INPP4A: variants seen among roughly 807,000 people sequenced by gnomAD.
INPP4A encodes the protein inositol polyphosphate-4-phosphatase, type I, 107kD.
INPP4A carries 33 observed loss-of-function variants against 119.8 expected under a neutral mutation model. The observed-to-expected ratio is 0.28, with a 90% CI of 0.21 to 0.37. INPP4A has a LOEUF of 0.37. Ranked by LOEUF, INPP4A falls within the 10% of genes least tolerant of loss-of-function variation. INPP4A has a pLI of 1.00. For synonymous variants in INPP4A, 496 were observed against 500.7 expected (o/e 0.99, Z 0.12); for missense variants, 956 against 1,289.9 (o/e 0.74, Z 3.97).
At chr2:98,460,465 A>G (rs550139542) in intron 1 of INPP4A, among the ~76,000 whole-genome samples, 1 of 152,128 alleles carries the variant, frequency 6.6e-6, no homozygotes, top group South Asian at 2.1e-4. Context: ...TTGGGAATTC[A>G]TTCATCCCAC....
Position 98,564,648 on chromosome 2 carries a change from C to T in INPP4A, c.2037C>T (p.Ala679=), listed in dbSNP as rs781251677. 3.1e-6 allele frequency: 5 copies of T among 1,613,410 alleles called. No individual in the cohort carries two copies. Among genetic ancestry groups the T allele is most frequent in the Non-Finnish European group, 4.2e-6 (5 of 1,179,814 alleles). The change falls in exon 19 of 25, where the codon GCC becomes GCT. Residue 679 remains alanine (A), a synonymous_variant. Transcript: ENST00000409851. Reference sequence around the variant, plus strand: ...ACCCCACGCTCCCACAGCTGACCGCCCTCATCTGCGGCTTCATCATTAAGC... The same window carrying T: ...ACCCCACGCTCCCACAGCTGACCGCTCTCATCTGCGGCTTCATCATTAAGC... ...RDVVFCQTLT[A]LICGFIIKLR...
intron 19 of INPP4A, 66 bp from the exon 20 acceptor site, chr2:98,565,574 T>G: frequency 6.5e-7 from 1 of 1,530,924 alleles, no homozygotes; most frequent in Non-Finnish European, 8.8e-7. Flanking sequence ...TTGGCTGCCT[T>G]CTGCTGAGAC....
intron 6 of INPP4A, 93 bp from the exon 7 acceptor site, chr2:98,536,036 G>T: frequency 2.5e-6 from 2 of 813,170 alleles, no homozygotes; most frequent in Non-Finnish European, 2.1e-6. Flanking sequence ...AGGTGTTGTG[G>T]GAAGCAGTCA....
chr2:98,557,462 T>C (rs1418623989), intron 16 of INPP4A, among the ~76,000 whole-genome samples: 1 of 152,238 alleles, frequency 6.6e-6, no homozygotes, highest in African/African-American at 2.4e-5. Flanking sequence ...CTATTTATTT[T>C]GGTGAGTCTT....
chr2:98,542,170 A>T (rs1691588956), intron 10 of INPP4A, among the ~76,000 whole-genome samples: 2 of 152,272 alleles, frequency 1.3e-5, no homozygotes, highest in Non-Finnish European at 2.9e-5. Flanking sequence ...CCACATGAAC[A>T]CGGGCAGACA....
At chr2:98,513,106 G>T (rs937292667) in intron 1 of INPP4A, among the ~76,000 whole-genome samples, 9 of 152,326 alleles carry the variant, frequency 5.9e-5, no homozygotes, top group Non-Finnish European at 1.0e-4. Context: ...GACACCCAGG[G>T]TTGGAGTAGT....
At chr2:98,491,951 G>A (rs961117443) in intron 1 of INPP4A, among the ~76,000 whole-genome samples, 3 of 152,024 alleles carry the variant, frequency 2.0e-5, no homozygotes, top group Non-Finnish European at 1.5e-5. Flanking sequence ...GTACAGTGGC[G>A]CGATCTCAGC....
intron 8 of INPP4A, 67 bp from the exon 9 acceptor site, chr2:98,538,824 T>A: frequency 3.4e-6 from 3 of 890,762 alleles, no homozygotes; most frequent in Non-Finnish European, 5.6e-6. Context: ...GGCCACTGTT[T>A]CTGCTGAATG....
At position 98,594,272 on chromosome 2, in the gene INPP4A, T is replaced by C. The variant is rs570714155; in HGVS notation, c.*6664T>C. ...CTAAAATTACAGGGGGTTCAGGCAA[T>C]GTTATCTTGATCTGGATGGCCAGTT... On this transcript the variant is annotated 3_prime_UTR_variant, in exon 25 of 25. Coordinates refer to ENST00000409851, the MANE Select transcript of INPP4A (RefSeq NM_001134225.2). 2 of 152,366 alleles carry C rather than the reference T, an allele frequency of 1.3e-5. No individual in the cohort carries two copies. Among genetic ancestry groups the C allele is most frequent in the Admixed American group, 1.3e-4 (2 of 15,306 alleles). The allele number at this position is 152,366 out of a possible 1,614,324, so 9.4% of individuals were successfully genotyped here. A position where few individuals can be genotyped will look rare whatever the true frequency, so the allele number is the denominator to read the frequency against.
chr2:98,550,851 T>G (rs1693380336), intron 13 of INPP4A, among the ~76,000 whole-genome samples: 1 of 152,188 alleles, frequency 6.6e-6, no homozygotes, highest in Non-Finnish European at 1.5e-5. Context: ...AGGGTATGTA[T>G]TTGTTGAAGG....
At chr2:98,547,369 C>T (rs981326748) in intron 13 of INPP4A, among the ~76,000 whole-genome samples, 20 of 152,170 alleles carry the variant, frequency 1.3e-4, no homozygotes, top group Admixed American at 1.3e-3. Context: ...TTGGCATGAA[C>T]AGGGCCTGAA....
At chr2:98,527,378 A>G (rs908436652) in intron 4 of INPP4A, among the ~76,000 whole-genome samples, 1 of 152,242 alleles carries the variant, frequency 6.6e-6, no homozygotes, top group Non-Finnish European at 1.5e-5. Flanking sequence ...GTCAAAAACA[A>G]TCACTGTCCA....
chr2:98,460,376 A>G (rs1276705031), intron 1 of INPP4A, among the ~76,000 whole-genome samples: 1 of 152,018 alleles, frequency 6.6e-6, no homozygotes, highest in Non-Finnish European at 1.5e-5. Flanking sequence ...GACTGGGGCA[A>G]TGCATCAGGA....
intron 1 of INPP4A, among the ~76,000 whole-genome samples, chr2:98,502,620 A>T (rs1271737034): frequency 6.6e-6 from 1 of 152,186 alleles, no homozygotes; most frequent in Non-Finnish European, 1.5e-5. Flanking sequence ...GATAATGGTG[A>T]AAGTACCTCA....
At chr2:98,533,539 C>A in intron 5 of INPP4A, 44 bp downstream of exon 5, 1 of 1,132,004 alleles carries the variant, frequency 8.8e-7, no homozygotes, top group South Asian at 1.2e-5. Flanking sequence ...GGGACATGCT[C>A]TAGTGGTGTC....
intron 11 of INPP4A, among the ~76,000 whole-genome samples, chr2:98,545,104 T>C (rs1575014554): frequency 6.6e-6 from 1 of 152,220 alleles, no homozygotes; most frequent in East Asian, 1.9e-4. Flanking sequence ...ATGCTCATGG[T>C]GCGGTCTGTG....
chr2:98,581,730 C>T (rs754272044), intron 24 of INPP4A: 2 of 1,609,246 alleles, frequency 1.2e-6, no homozygotes, highest in Non-Finnish European at 1.7e-6. Context: ...CATAGCATAC[C>T]TGGTGACCAA....
rs371770763 is a variant in INPP4A, at chr2:98,515,590, C to T, written c.-165-3374C>T. Among the ~76,000 whole-genome samples, 32 of 152,310 alleles carry T rather than the reference C, an allele frequency of 2.1e-4. 2 individuals are homozygous for T. Among genetic ancestry groups the T allele is most frequent in the African/African-American group, 6.3e-4 (26 of 41,558 alleles). On this transcript the variant is annotated intron_variant, in intron 1 of 24. Coordinates refer to ENST00000409851, the MANE Select transcript of INPP4A (RefSeq NM_001134225.2). ...CACTCTGAGCATCCGTGACCTCATC[C>T]GTGCAACTCCTTTTAAAAATTATTC...
chr2:98,523,230 C>T (rs1180891597), intron 4 of INPP4A, among the ~76,000 whole-genome samples: 1 of 152,170 alleles, frequency 6.6e-6, no homozygotes, highest in East Asian at 1.9e-4. Context: ...TAAAAATCCT[C>T]ATCCGCCTAT....
Sources: allele counts gnomAD v4.1 joint callset (sites outside exome capture counted in the v4.1 genomes callset), GRCh38; gene constraint gnomAD v4.1.1; transcripts MANE v1.5; gene names NCBI Gene and HGNC (gene_info 2026-07-23, HGNC 2026-07-21).